Variants in CSMD1 observed in about 807,000 individuals in gnomAD.
CSMD1 encodes CUB and sushi domain-containing protein 1.
CSMD1 carries 213 observed loss-of-function variants against 417.5 expected under a neutral mutation model. The observed-to-expected ratio is 0.51, with a 90% CI of 0.46 to 0.57. CSMD1 has a LOEUF of 0.57. Ranked by LOEUF, CSMD1 falls within the 20% of genes least tolerant of loss-of-function variation. The pLI is 0.00. For synonymous variants in CSMD1, 2,862 were observed against 1,736.8 expected, an observed-to-expected ratio of 1.65 and a Z score of -16.11; for missense variants, 6,923 against 4,529.7, an observed-to-expected ratio of 1.53 and a Z score of -15.17.
chr8:4,879,443 G>A (rs1015594453), intron 1 of CSMD1, among the ~76,000 whole-genome samples: 7 of 152,086 alleles, frequency 4.6e-5, no homozygotes, highest in Non-Finnish European at 1.0e-4. Flanking sequence ...AAGTTTAGGG[G>A]ATCGGGAAGA....
chr8:3,130,055 G>A (rs1246464436), intron 41 of CSMD1, among the ~76,000 whole-genome samples: 1 of 152,114 alleles, frequency 6.6e-6, no homozygotes, highest in African/African-American at 2.4e-5. Context: ...ACTTGCAAGT[G>A]CTTGGTGTCA....
chr8:3,429,410 A>G (rs1451042937), intron 12 of CSMD1, among the ~76,000 whole-genome samples: 1 of 152,218 alleles, frequency 6.6e-6, no homozygotes, highest in Non-Finnish European at 1.5e-5. Flanking sequence ...GCCCTTCCAC[A>G]CAGAGGTAGT....
At chr8:4,099,690 A>T (rs1378699438) in intron 3 of CSMD1, among the ~76,000 whole-genome samples, 2 of 152,086 alleles carry the variant, frequency 1.3e-5, no homozygotes, top group Non-Finnish European at 2.9e-5. Flanking sequence ...ACAAACAAAC[A>T]AAACCTCTTC....
At chr8:4,772,334 G>A (rs965809541) in intron 1 of CSMD1, among the ~76,000 whole-genome samples, 1 of 152,070 alleles carries the variant, frequency 6.6e-6, no homozygotes, top group Admixed American at 6.6e-5. Context: ...TTCTATCCTT[G>A]CTTTTTTTCT....
intron 1 of CSMD1, among the ~76,000 whole-genome samples, chr8:4,834,530 T>A (rs1040136719): frequency 6.6e-6 from 1 of 151,930 alleles, no homozygotes; most frequent in Non-Finnish European, 1.5e-5. Context: ...AAGATAAGGG[T>A]GAGCTTTCTG....
chr8:3,747,904 G>A (rs1411133856), intron 6 of CSMD1, among the ~76,000 whole-genome samples: 1 of 152,086 alleles, frequency 6.6e-6, no homozygotes, highest in Non-Finnish European at 1.5e-5. Flanking sequence ...AGTGTGGCGA[G>A]CTCCCTCCCA....
At position 3,826,853 on chromosome 8, in the gene CSMD1, C is replaced by G. The variant is rs141710280; in HGVS notation, c.819-72811G>C. Among the ~76,000 whole-genome samples the G allele has an allele frequency of 9.2e-3, 1,398 of 152,164 alleles. 34 individuals carry two copies. The highest frequency in any genetic ancestry group is 0.031 in the African/African-American group (1,274 of 41,514). On this transcript the variant is annotated intron_variant, in intron 5 of 69. Coordinates refer to ENST00000635120, the MANE Select transcript of CSMD1 (RefSeq NM_033225.6). Reference sequence around the variant, plus strand: ...CTAGGCTGCAGTGTAGTGGTGTGATCATAGCTCACTGCAGCATCGGCCTCC... The same window carrying G: ...CTAGGCTGCAGTGTAGTGGTGTGATGATAGCTCACTGCAGCATCGGCCTCC...
chr8:4,762,260 G>A (rs969398991), intron 1 of CSMD1, among the ~76,000 whole-genome samples: 2 of 152,026 alleles, frequency 1.3e-5, no homozygotes, highest in African/African-American at 4.8e-5. Context: ...AAACTAATGG[G>A]ATAATTGTGT....
chr8:4,641,036 T>C (rs1212339553), intron 1 of CSMD1, among the ~76,000 whole-genome samples: 1 of 151,492 alleles, frequency 6.6e-6, no homozygotes, highest in African/African-American at 2.4e-5. Flanking sequence ...AATTTCAATT[T>C]CGATTTCAAT....
At chr8:3,015,496 T>G (rs1808756394) in intron 52 of CSMD1, among the ~76,000 whole-genome samples, 1 of 151,986 alleles carries the variant, frequency 6.6e-6, no homozygotes, top group African/African-American at 2.4e-5. Flanking sequence ...TCAGAATATA[T>G]ATATATATTT....
intron 5 of CSMD1, among the ~76,000 whole-genome samples, chr8:3,912,663 A>C (rs1479242835): frequency 6.6e-6 from 1 of 152,168 alleles, no homozygotes; most frequent in Non-Finnish European, 1.5e-5. Context: ...AAAAAAGTGG[A>C]GCATGTTTGA....
intron 3 of CSMD1, among the ~76,000 whole-genome samples, chr8:4,311,516 A>G (rs1338842022): frequency 6.6e-6 from 1 of 152,108 alleles, no homozygotes; most frequent in East Asian, 1.9e-4. Flanking sequence ...TGAGATCAGG[A>G]GTTCGAGACC....
chr8:4,819,193 T>C (rs914107983), intron 1 of CSMD1, among the ~76,000 whole-genome samples: 33 of 152,162 alleles, frequency 2.2e-4, no homozygotes, highest in African/African-American at 8.0e-4. Context: ...ATTCAATTTT[T>C]TTGACAGAAG....
At chr8:4,601,212 G>A (rs1055927098) in intron 2 of CSMD1, among the ~76,000 whole-genome samples, 5 of 152,112 alleles carry the variant, frequency 3.3e-5, no homozygotes, top group South Asian at 2.1e-4. Context: ...CACTTTGGCC[G>A]CCCAAAGTGC....
intron 3 of CSMD1, among the ~76,000 whole-genome samples, chr8:4,046,657 T>C (rs921868354): frequency 8.5e-5 from 13 of 152,172 alleles, no homozygotes; most frequent in Non-Finnish European, 1.5e-4. Flanking sequence ...GCAGATAGGA[T>C]ATACACTGGG....
At chr8:4,494,126 G>C (rs978330763) in intron 2 of CSMD1, among the ~76,000 whole-genome samples, 2 of 152,168 alleles carry the variant, frequency 1.3e-5, no homozygotes, top group African/African-American at 4.8e-5. Flanking sequence ...GAGAGTTAGA[G>C]TAGAGAAAAC....
chr8:3,872,340 G>A (rs372659845), intron 5 of CSMD1, among the ~76,000 whole-genome samples: 27 of 152,224 alleles, frequency 1.8e-4, no homozygotes, highest in South Asian at 1.2e-3. Flanking sequence ...CTTTCCCCCG[G>A]CAAAGTGCCA....
At chr8:4,426,486 T>G (rs1012155007) in intron 2 of CSMD1, among the ~76,000 whole-genome samples, 1 of 148,030 alleles carries the variant, frequency 6.8e-6, no homozygotes, top group Non-Finnish European at 1.5e-5. Flanking sequence ...ATATATGACA[T>G]ATATAGTAAA....
At chr8:3,695,625 G>A (rs573227370) in intron 7 of CSMD1, among the ~76,000 whole-genome samples, 5 of 152,078 alleles carry the variant, frequency 3.3e-5, no homozygotes, top group Non-Finnish European at 5.9e-5. Context: ...TTTCACAAAA[G>A]CATCCAGAAA....
Sources: allele counts gnomAD v4.1 joint callset (sites outside exome capture counted in the v4.1 genomes callset), GRCh38; gene constraint gnomAD v4.1.1; transcripts MANE v1.5; gene names NCBI Gene and HGNC (gene_info 2026-07-23, HGNC 2026-07-21).